The following PTPN14 variants were observed in gnomAD, a reference collection of about 807,000 sequenced individuals.
PTPN14 encodes tyrosine-protein phosphatase non-receptor type 14.
In PTPN14, 53 loss-of-function variants were observed where a neutral mutation model predicts 126.8. That is an observed-to-expected ratio of 0.42 (90% CI 0.34 to 0.53). The LOEUF is 0.53. PTPN14 is among the 20% of genes least tolerant of loss of function. The probability of loss-of-function intolerance (pLI) is 0.08; values close to 1 mark genes in which losing one functional copy is unlikely to be tolerated. For synonymous variants in PTPN14, 630 were observed against 599.3 expected (o/e 1.05, Z -0.75); for missense variants, 1,257 against 1,552.9 (o/e 0.81, Z 3.20).
chr1:214,448,856 A>C (rs1450175859), intron 3 of PTPN14, among the ~76,000 whole-genome samples: 1 of 152,132 alleles, frequency 6.6e-6, no homozygotes, highest in African/African-American at 2.4e-5. Flanking sequence ...GTATTCCTAC[A>C]TTGAGCCAAA....
At chr1:214,446,796 G>C (rs1054381448) in intron 3 of PTPN14, among the ~76,000 whole-genome samples, 1 of 151,984 alleles carries the variant, frequency 6.6e-6, no homozygotes, top group Non-Finnish European at 1.5e-5. Flanking sequence ...TGTTCAGAGA[G>C]AAGAAATGGC....
At chr1:214,414,403 C>G (rs1033229981) in intron 4 of PTPN14, among the ~76,000 whole-genome samples, 2 of 152,186 alleles carry the variant, frequency 1.3e-5, no homozygotes, top group Non-Finnish European at 2.9e-5. Flanking sequence ...TCATATAAAA[C>G]TGTAATTATA....
intron 1 of PTPN14, among the ~76,000 whole-genome samples, chr1:214,469,813 C>T (rs570130949): frequency 6.3e-5 from 6 of 95,506 alleles, no homozygotes; most frequent in Admixed American, 1.2e-4. Flanking sequence ...ATAGTGGGGG[C>T]GCATGGGGAA....
chr1:214,401,820 T>A, intron 6 of PTPN14, 48 bp from the exon 7 acceptor site: 1 of 1,448,704 alleles, frequency 6.9e-7, no homozygotes. Context: ...GGGCAGCCAG[T>A]GGAAGATCCC....
At position 214,364,779 on chromosome 1, in the gene PTPN14, G is replaced by C; in HGVS notation, c.3272-104C>G. 2.6e-6 allele frequency: 2 copies of C among 782,904 alleles called. No homozygotes were observed. The highest frequency in any genetic ancestry group is 4.0e-6 in the Non-Finnish European group (2 of 503,314). 48.5% of individuals were successfully genotyped at this position (782,904 alleles called of 1,614,324 possible). On this transcript the variant is annotated intron_variant, in intron 17 of 18. Coordinates refer to ENST00000366956, the MANE Select transcript of PTPN14 (RefSeq NM_005401.5). The surrounding 1 kb of genome is among the most constrained non-coding windows in gnomAD (Gnocchi z 4.1). ...GAACTGATGGTGAGTGTGTGTGTGT[G>C]TGTGTGTGTGTGTGTGTGTGTGTGT...
chr1:214,510,132 GGA>G (rs1291334243), intron 1 of PTPN14, among the ~76,000 whole-genome samples: 18 of 152,132 alleles, frequency 1.2e-4, no homozygotes, highest in Admixed American at 1.1e-3. Context: ...GGGAGGAGAG[GGA>G]GAGATAAGGG....
intron 1 of PTPN14, among the ~76,000 whole-genome samples, chr1:214,540,168 A>T (rs925401939): frequency 6.6e-6 from 1 of 152,204 alleles, no homozygotes; most frequent in Non-Finnish European, 1.5e-5. Flanking sequence ...GATGTTAGTC[A>T]TTATAACCCA....
chr1:214,474,404 C>T (rs1334481216), intron 1 of PTPN14, among the ~76,000 whole-genome samples: 1 of 152,168 alleles, frequency 6.6e-6, no homozygotes, highest in African/African-American at 2.4e-5. Context: ...CCTGACTTCT[C>T]AGCCCTTAAC....
At position 214,532,856 on chromosome 1, in the gene PTPN14, A is replaced by T. The variant is rs546522638; in HGVS notation, c.-155+18327T>A. ...GATGAACTAAAAGGCCTACAAGCCC[A>T]GATTGCCAGCTCTGGGTTGACCATG... On this transcript the variant is annotated intron_variant, in intron 1 of 18. Transcript: ENST00000366956. 2.1e-4 allele frequency: 214 copies of T among 1,026,654 alleles called. 1 individual carries two copies. Among genetic ancestry groups the T allele is most frequent in the Middle Eastern group, 1.2e-3 (4 of 3,338 alleles). The allele number at this position is 1,026,654 out of a possible 1,614,324, so 63.6% of individuals were successfully genotyped here. A position where few individuals can be genotyped will look rare whatever the true frequency, so the allele number is the denominator to read the frequency against.
intron 8 of PTPN14, among the ~76,000 whole-genome samples, chr1:214,395,808 A>T (rs1318640984): frequency 6.6e-6 from 1 of 151,626 alleles, no homozygotes; most frequent in African/African-American, 2.4e-5. Flanking sequence ...CCGCTTTTTC[A>T]CTCATATGAT....
At chr1:214,517,380 A>G (rs1655129818) in intron 1 of PTPN14, among the ~76,000 whole-genome samples, 1 of 150,194 alleles carries the variant, frequency 6.7e-6, no homozygotes, top group Non-Finnish European at 1.5e-5. Context: ...TCCTTGGCAC[A>G]CTAACCACCA....
chr1:214,459,381 G>C (rs1314332078), intron 2 of PTPN14, among the ~76,000 whole-genome samples: 1 of 151,118 alleles, frequency 6.6e-6, no homozygotes, highest in Non-Finnish European at 1.5e-5. Flanking sequence ...TCGAACTCCT[G>C]ACTTCAGGCG....
rs1365492595 is a variant in PTPN14, at chr1:214,451,790, G to T, written c.344+15C>A. The T allele has an allele frequency of 6.2e-7, 1 of 1,612,724 alleles. No homozygotes were observed. The highest frequency in any genetic ancestry group is 8.5e-7 in the Non-Finnish European group (1 of 1,179,294). ...CAACACCCTTATATGGCACACAGGG[G>T]GAAAATGCACCTACCTTGTGGCCTC... On this transcript the variant is annotated intron_variant, in intron 3 of 18. Transcript: ENST00000366956.
chr1:214,475,469 C>A (rs996122220), intron 1 of PTPN14, among the ~76,000 whole-genome samples: 1 of 152,234 alleles, frequency 6.6e-6, no homozygotes, highest in Non-Finnish European at 1.5e-5. Context: ...GAATACCTGA[C>A]TCTGGTTTAC....
chr1:214,475,349 ATTCT>A (rs1398555697), intron 1 of PTPN14, among the ~76,000 whole-genome samples: 1 of 152,198 alleles, frequency 6.6e-6, no homozygotes, highest in African/African-American at 2.4e-5. Flanking sequence ...AGTAGGAAAA[ATTCT>A]TTCTGTAAGT....
At chr1:214,478,803 G>T (rs918429384) in intron 1 of PTPN14, among the ~76,000 whole-genome samples, 6 of 152,146 alleles carry the variant, frequency 3.9e-5, no homozygotes, top group Non-Finnish European at 2.9e-5. Context: ...AAGTTCCAGA[G>T]CTAGCAGGTG....
At chr1:214,365,868 T>C (rs1304046800) in intron 17 of PTPN14, among the ~76,000 whole-genome samples, 3 of 151,692 alleles carry the variant, frequency 2.0e-5, no homozygotes, top group South Asian at 2.1e-4. Context: ...TAGGACAAAA[T>C]AAAAAAGAAA....
intron 11 of PTPN14, among the ~76,000 whole-genome samples, chr1:214,388,119 C>G (rs1473070511): frequency 6.6e-6 from 1 of 152,014 alleles, no homozygotes; most frequent in African/African-American, 2.4e-5. Context: ...CAAAACAAAA[C>G]AAAAAAACTT....
chr1:214,401,180 A>G (rs773332276), intron 7 of PTPN14, among the ~76,000 whole-genome samples: 23 of 152,308 alleles, frequency 1.5e-4, no homozygotes, highest in Admixed American at 3.9e-4. Flanking sequence ...TTTCCGAGGC[A>G]TAGCTTCCAT....
Sources: allele counts gnomAD v4.1 joint callset (sites outside exome capture counted in the v4.1 genomes callset), GRCh38; gene constraint gnomAD v4.1.1; non-coding constraint Gnocchi (gnomAD v3.1); transcripts MANE v1.5; gene names NCBI Gene and HGNC (gene_info 2026-07-23, HGNC 2026-07-21).